The following ARSH variants were observed in gnomAD, a reference collection of about 807,000 sequenced individuals.
ARSH encodes the protein arylsulfatase H.
In ARSH, 32 loss-of-function variants were observed where a neutral mutation model predicts 28.7. The observed-to-expected ratio is 1.11, with a 90% confidence interval of 0.84 to 1.50. ARSH has a LOEUF of 1.50. Among genes scored for constraint, ARSH ranks in the 40% most tolerant of loss-of-function variants. The pLI is 0.00. For missense variants in ARSH, 440 were observed against 452.4 expected (o/e 0.97, Z 0.25); for synonymous variants, 176 against 177.3 (o/e 0.99, Z 0.06).
intron 8 of ARSH, 67 bp from the exon 9 acceptor site, chrX:3,032,951 C>G (rs1460201917): frequency 2.2e-5 from 25 of 1,115,070 alleles, no homozygotes; most frequent in Admixed American, 2.9e-5. Context: ...AGAAAAACAT[C>G]TTTAACGAAA....
chrX:3,020,255 G>A (rs1295438860), intron 5 of ARSH, among the ~76,000 whole-genome samples: 1 of 70,770 alleles, frequency 1.4e-5, no homozygotes, highest in Non-Finnish European at 2.4e-5. Context: ...TTGCACCACT[G>A]TACTCCAAGA....
rs936212151 is a variant in ARSH, at chrX:3,033,764, C to A, written c.*379C>A. Reference sequence around the variant, plus strand: ...TTCTATACCCAGGCATGCTAGCTTTCTAATAAATCATGATAAGTACTTAAT... The same window carrying A: ...TTCTATACCCAGGCATGCTAGCTTTATAATAAATCATGATAAGTACTTAAT... On this transcript the variant is annotated 3_prime_UTR_variant, in exon 9 of 9. Transcript: ENST00000381130. 9.0e-6 allele frequency among the ~76,000 whole-genome samples: 1 copy of A among 111,109 alleles called. No homozygotes were observed. Among genetic ancestry groups the A allele is most frequent in the African/African-American group, 3.3e-5 (1 of 30,588 alleles).
At chrX:3,030,389 G>A (rs1022217386) in intron 8 of ARSH, among the ~76,000 whole-genome samples, 2 of 111,561 alleles carry the variant, frequency 1.8e-5, no homozygotes, top group African/African-American at 6.5e-5. Context: ...TTAGATAAAG[G>A]AGGTGGATGC....
rs1001839032 is a variant in ARSH, at chrX:3,006,626, C to G, written c.14C>G (p.Ala5Gly). 1.7e-6 allele frequency: 2 copies of G among 1,208,687 alleles called. No individual in the cohort carries two copies. Among genetic ancestry groups the G allele is most frequent in the African/African-American group, 1.8e-5 (1 of 56,921 alleles). Reference protein sequence around the residue: MTRNARPNIVLLMAD... With the variant: MTRNGRPNIVLLMAD... ...GATGGCACATTTATGACAAGAAACG[C>G]CAGACCCAACATTGTCCTGCTGATG... The change falls in exon 1 of 9, where the codon GCC (alanine) becomes GGC (glycine). Residue 5 changes from alanine (A) to glycine (G), a missense_variant. Ala to Gly is a moderately conservative substitution (Grantham distance 60, BLOSUM62 0). Transcript: ENST00000381130.
intron 6 of ARSH, among the ~76,000 whole-genome samples, chrX:3,024,421 C>A (rs772010741): frequency 9.0e-6 from 1 of 110,837 alleles, no homozygotes; most frequent in African/African-American, 3.3e-5. Context: ...AGCCTCCGCA[C>A]GATTGACATT....
At chrX:3,025,989 A>G (rs1320553211) in intron 6 of ARSH, among the ~76,000 whole-genome samples, 1 of 110,860 alleles carries the variant, frequency 9.0e-6, no homozygotes, top group Admixed American at 9.7e-5. Flanking sequence ...GATGAATTCA[A>G]TGGATAGAGA....
intron 3 of ARSH, among the ~76,000 whole-genome samples, chrX:3,013,513 G>A (rs773409569): frequency 2.0e-4 from 19 of 95,798 alleles, no homozygotes; most frequent in Non-Finnish European, 3.6e-4. Context: ...GAAACTTACA[G>A]CATTAAGAGT....
chrX:3,009,946 C>T (rs2089841590), intron 1 of ARSH, 84 bp from the exon 2 acceptor site: 7 of 1,103,280 alleles, frequency 6.3e-6, no homozygotes, highest in Non-Finnish European at 8.6e-6. Context: ...GTCAACTTGA[C>T]CCAAAATAGA....
chrX:3,024,537 G>T (rs2089893702), intron 6 of ARSH, among the ~76,000 whole-genome samples: 1 of 110,819 alleles, frequency 9.0e-6, no homozygotes, highest in Non-Finnish European at 1.9e-5. Context: ...CCGCAGAGCA[G>T]CAACAACCAG....
chrX:3,022,097 A>G (rs1186909784), intron 5 of ARSH, among the ~76,000 whole-genome samples: 1 of 110,836 alleles, frequency 9.0e-6, no homozygotes, highest in African/African-American at 3.3e-5. Flanking sequence ...GAGGTCTTAT[A>G]AGTGACCTAT....
intron 2 of ARSH, among the ~76,000 whole-genome samples, chrX:3,012,366 C>T (rs1291045377): frequency 3.0e-5 from 3 of 100,797 alleles, no homozygotes; most frequent in Non-Finnish European, 4.0e-5. Flanking sequence ...AGTGAAACCT[C>T]GTCTCTACTA....
At chrX:3,030,749 C>T (rs1249844292) in intron 8 of ARSH, among the ~76,000 whole-genome samples, 1 of 111,503 alleles carries the variant, frequency 9.0e-6, no homozygotes, top group African/African-American at 3.3e-5. Flanking sequence ...TATTACAACT[C>T]AAGGTGAGAT....
chrX:3,029,158 C>T (rs2147461676), intron 7 of ARSH, 89 bp from the exon 8 acceptor site: 2 of 975,191 alleles, frequency 2.1e-6, no homozygotes, highest in Non-Finnish European at 2.7e-6. Flanking sequence ...TTTCCTCCTC[C>T]TCCTCCTCCT....
Position 3,009,948 on chromosome X carries a change from CA to C in ARSH, c.93-78del, listed in dbSNP as rs1177815995. The C allele has an allele frequency of 5.4e-6, 6 of 1,109,018 alleles. No individual in the cohort carries two copies. In the East Asian group the frequency reaches 1.5e-4, roughly 28 times the overall value. 91.4% of individuals were successfully genotyped at this position (1,109,018 alleles called of 1,213,427 possible). A position where few individuals can be genotyped will look rare whatever the true frequency, so the allele number is the denominator to read the frequency against. ...TACCAGAAATAGAGTCAACTTGACC[CA>C]AAATAGAATAGCTTTGATCCTTGAT... On this transcript the variant is annotated intron_variant, in intron 1 of 8. Coordinates refer to ENST00000381130, the MANE Select transcript of ARSH (RefSeq NM_001011719.2).
chrX:3,027,346 T>A lies in ARSH; in HGVS notation c.1070T>A (p.Ile357Asn), dbSNP rs2089901629. 1.7e-6 allele frequency: 2 copies of A among 1,209,660 alleles called. No individual in the cohort carries two copies. Among genetic ancestry groups the A allele is most frequent in the South Asian group, 3.5e-5 (2 of 56,753 alleles). ...GKGMGGWEGGIRVPGIFRWPS... is the reference protein window; with the variant it reads ...GKGMGGWEGGNRVPGIFRWPS... Reference sequence around the variant, plus strand: ...GGAATGGGAGGATGGGAAGGAGGTATCCGTGTGCCAGGGATATTCCGGTGG... The same window carrying A: ...GGAATGGGAGGATGGGAAGGAGGTAACCGTGTGCCAGGGATATTCCGGTGG... Residue 357 changes from isoleucine to asparagine, a missense_variant, in exon 7 of 9, where the codon ATC (isoleucine) becomes AAC (asparagine). Coordinates refer to ENST00000381130, the MANE Select transcript of ARSH (RefSeq NM_001011719.2).
chrX:3,027,355 C>T lies in ARSH; in HGVS notation c.1079C>T (p.Pro360Leu). Residue 360 changes from proline to leucine, a missense_variant, in exon 7 of 9, where the codon CCA (proline) becomes CTA (leucine). Transcript: ENST00000381130. ...GGATGGGAAGGAGGTATCCGTGTGC[C>T]AGGGATATTCCGGTGGCCGTCAGTC... Reference protein sequence around the residue: ...MGGWEGGIRVPGIFRWPSVLE... With the variant: ...MGGWEGGIRVLGIFRWPSVLE... 2.5e-6 allele frequency: 3 copies of T among 1,211,155 alleles called. No homozygotes were observed. The highest frequency in any genetic ancestry group is 3.4e-6 in the Non-Finnish European group (3 of 895,331).
chrX:3,020,042 T>C (rs2089877280), intron 5 of ARSH, among the ~76,000 whole-genome samples: 1 of 108,594 alleles, frequency 9.2e-6, no homozygotes. Context: ...CCCCAGCACT[T>C]TTGGAGGTTC....
At chrX:3,025,814 A>G (rs1035633932) in intron 6 of ARSH, among the ~76,000 whole-genome samples, 3 of 110,412 alleles carry the variant, frequency 2.7e-5, no homozygotes, top group Non-Finnish European at 5.7e-5. Flanking sequence ...AACTGTACCT[A>G]TTATATATTA....
At chrX:3,016,186 T>A (rs1438362882) in intron 4 of ARSH, among the ~76,000 whole-genome samples, 2 of 106,948 alleles carry the variant, frequency 1.9e-5, no homozygotes, top group Non-Finnish European at 3.9e-5. Flanking sequence ...AATTTTGCAT[T>A]TTTTTTTTAG....
Sources: allele counts gnomAD v4.1 joint callset (sites outside exome capture counted in the v4.1 genomes callset), GRCh38; gene constraint gnomAD v4.1.1; transcripts MANE v1.5; gene names NCBI Gene and HGNC (gene_info 2026-07-23, HGNC 2026-07-21).